Variants in MYOF observed in about 807,000 individuals in gnomAD.
MYOF encodes myoferlin, also known as fer-1-like 3, myoferlin.
MYOF carries 244 observed loss-of-function variants against 284.2 expected under a neutral mutation model. The ratio of observed to expected loss-of-function variants is 0.86; its 90% CI spans 0.77 to 0.95. The LOEUF is 0.95. Ranked by LOEUF, MYOF falls within the 40% of genes least tolerant of loss-of-function variation. The probability of loss-of-function intolerance (pLI) is 0.00; values close to 1 mark genes in which losing one functional copy is unlikely to be tolerated. For synonymous variants in MYOF, 904 were observed against 919.7 expected, an observed-to-expected ratio of 0.98 and a Z score of 0.31; for missense variants, 2,496 against 2,560.6, an observed-to-expected ratio of 0.97 and a Z score of 0.54.
chr10:93,469,379 C>T (rs770953052), intron 1 of MYOF, among the ~76,000 whole-genome samples: 8 of 149,488 alleles, frequency 5.4e-5, no homozygotes, highest in African/African-American at 1.5e-4. Flanking sequence ...CCAGCCTGGG[C>T]GACAGAGCTA....
At position 93,377,345 on chromosome 10, in the gene MYOF, C is replaced by T; in HGVS notation, c.2086G>A (p.Asp696Asn). The change falls in exon 22 of 54, where the codon GAT (aspartate) becomes AAT (asparagine). Residue 696 changes from aspartate (D) to asparagine (N), a missense_variant. By Grantham distance (23) the Asp-to-Asn change is conservative. Around this residue, in one of 3 missense-constraint regions of MYOF, gnomAD observed 2,436 missense variants for 2,480.7 expected, o/e 0.98. Transcript: ENST00000359263. ...TACCTCGTGTCTTCTATAACTTCAT[C>T]TATCAGCTTCAGCCACAATTCAGCC... ...QLAELWLKLI[D>N]EVIEDTRYTL... 1 of 1,614,012 alleles carries T rather than the reference C, an allele frequency of 6.2e-7. No homozygotes were observed. The highest frequency in any genetic ancestry group is 8.5e-7 in the Non-Finnish European group (1 of 1,179,890).
intron 19 of MYOF, among the ~76,000 whole-genome samples, chr10:93,385,488 A>G (rs1200304402): frequency 6.6e-6 from 1 of 152,226 alleles, no homozygotes; most frequent in African/African-American, 2.4e-5. Context: ...TCCAGAACAG[A>G]GGACCTTTGC....
At chr10:93,357,792 G>A (rs787630) in intron 29 of MYOF, among the ~76,000 whole-genome samples, 45,645 of 152,020 alleles carry the variant, frequency 0.3, 7,896 homozygotes, top group Non-Finnish European at 0.4. Flanking sequence ...CATGATCAAA[G>A]CCTCAGAAAT....
chr10:93,381,770 C>T (rs1012106290), intron 19 of MYOF, among the ~76,000 whole-genome samples: 1 of 152,312 alleles, frequency 6.6e-6, no homozygotes, highest in Admixed American at 6.5e-5. Context: ...GGTACGGTGG[C>T]TCATGCCTGT....
chr10:93,430,958 C>G (rs1043124844), intron 4 of MYOF, among the ~76,000 whole-genome samples: 13 of 151,548 alleles, frequency 8.6e-5, no homozygotes, highest in Admixed American at 8.6e-4. Flanking sequence ...CAATTGATAC[C>G]TTTTCCTTTT....
chr10:93,363,908 G>C (rs758414953), intron 27 of MYOF, 53 bp downstream of exon 27: 360 of 1,550,990 alleles, frequency 2.3e-4, no homozygotes, highest in Non-Finnish European at 2.9e-4. Flanking sequence ...GTTCCCCGCA[G>C]ATCACGATCA....
rs1286294852 is a variant in MYOF, at chr10:93,349,933, G to C, written c.3958C>G (p.Gln1320Glu). Residue 1320 changes from glutamine to glutamate, a missense_variant, in exon 36 of 54, where the codon CAG (glutamine) becomes GAG (glutamate). Transcript: ENST00000359263. ...CTGGGGGATGTGATAGAAGCCATCT[G>C]GAAGTTTTTCATATTTCTTAAGCCC... Reference protein sequence around the residue: ...AWGLRNMKNFQMASITSPSLV... With the variant: ...AWGLRNMKNFEMASITSPSLV... The C allele has an allele frequency of 6.2e-7, 1 of 1,614,002 alleles. No homozygotes were observed. The highest frequency in any genetic ancestry group is 1.7e-5 in the Admixed American group (1 of 60,000).
chr10:93,321,676 T>C (rs1842847368), intron 48 of MYOF, among the ~76,000 whole-genome samples: 3 of 152,112 alleles, frequency 2.0e-5, no homozygotes, highest in Admixed American at 2.0e-4. Flanking sequence ...CCTAGACTGC[T>C]CACCCTTACA....
intron 2 of MYOF, among the ~76,000 whole-genome samples, 160 bp from the exon 3 acceptor site, chr10:93,452,301 A>G (rs149568173): frequency 0.015 from 2,294 of 152,220 alleles, 65 homozygotes; most frequent in African/African-American, 0.053. Flanking sequence ...ACCTGAAGGC[A>G]GCTGAGGGGG....
intron 5 of MYOF, among the ~76,000 whole-genome samples, chr10:93,422,670 C>A (rs188798840): frequency 1.3e-5 from 2 of 152,094 alleles, no homozygotes; most frequent in African/African-American, 4.8e-5. Context: ...GTGGTGCACA[C>A]CTGTAATACC....
intron 39 of MYOF, 51 bp from the exon 40 acceptor site, chr10:93,337,964 A>G: frequency 7.6e-7 from 1 of 1,323,262 alleles, no homozygotes; most frequent in Non-Finnish European, 1.1e-6. Flanking sequence ...TGGATTTCCA[A>G]TCGATGCAGG....
At chr10:93,342,349 A>G (rs892245325) in intron 38 of MYOF, among the ~76,000 whole-genome samples, 1 of 138,878 alleles carries the variant, frequency 7.2e-6, no homozygotes, top group African/African-American at 2.5e-5. Flanking sequence ...TGTTCATTTG[A>G]CTTTGTACAG....
intron 1 of MYOF, among the ~76,000 whole-genome samples, chr10:93,471,426 A>G (rs980766703): frequency 1.3e-5 from 2 of 152,286 alleles, no homozygotes; most frequent in African/African-American, 4.8e-5. Flanking sequence ...AGAGAGAGGA[A>G]CTGTTTATGT....
intron 6 of MYOF, 72 bp from the exon 7 acceptor site, chr10:93,408,987 C>A: frequency 6.3e-7 from 1 of 1,589,154 alleles, no homozygotes; most frequent in Non-Finnish European, 8.6e-7. Flanking sequence ...TCAGGTGTTG[C>A]TTCATTTCCT....
Position 93,381,373 on chromosome 10 carries a change from G to A in MYOF, c.1722C>T (p.Tyr574=), listed in dbSNP as rs375036122. Residue 574 remains tyrosine (Y), a synonymous_variant, in exon 20 of 54, where the codon TAC becomes TAT. Transcript: ENST00000359263. ...CTGAATGAAACACGGCAGACAGGCTGTACTTCCGCCTTCGCTGGTATTTCT... is the reference window on the plus strand; with the variant it reads ...CTGAATGAAACACGGCAGACAGGCTATACTTCCGCCTTCGCTGGTATTTCT... ...VVEKYQRRRK[Y]SLSAVFHSAT... 8.1e-6 allele frequency: 13 copies of A among 1,614,104 alleles called. No homozygotes were observed. The African/African-American group carries it at 1.7e-4, about 22-fold the overall frequency.
At chr10:93,437,433 C>T (rs1849179996) in intron 3 of MYOF, among the ~76,000 whole-genome samples, 2 of 152,034 alleles carry the variant, frequency 1.3e-5, no homozygotes. Context: ...CTCACGTATA[C>T]GAAGTTGTTC....
chr10:93,477,921 A>T (rs932759721), intron 1 of MYOF, among the ~76,000 whole-genome samples: 29 of 152,254 alleles, frequency 1.9e-4, no homozygotes, highest in African/African-American at 6.7e-4. Flanking sequence ...CCACTGCAGT[A>T]CTGTTGCTAA....
intron 12 of MYOF, among the ~76,000 whole-genome samples, chr10:93,401,149 A>T (rs926494108): frequency 3.3e-5 from 5 of 152,196 alleles, no homozygotes; most frequent in African/African-American, 1.2e-4. Flanking sequence ...CCTCTAGAAT[A>T]AAGAGAAGAT....
At chr10:93,400,710 A>T (rs1288529213) in intron 12 of MYOF, among the ~76,000 whole-genome samples, 2 of 152,178 alleles carry the variant, frequency 1.3e-5, no homozygotes. Context: ...CAGCAGTGAC[A>T]GAGGGATAAC....
Sources: allele counts gnomAD v4.1 joint callset (sites outside exome capture counted in the v4.1 genomes callset), GRCh38; gene constraint gnomAD v4.1.1; regional missense constraint gnomAD v4.1.1; transcripts MANE v1.5; gene names NCBI Gene and HGNC (gene_info 2026-07-23, HGNC 2026-07-21).